DAB1: variants seen among roughly 807,000 people sequenced by gnomAD.
The protein encoded by DAB1 is DAB adaptor protein 1.
DAB1 carries 15 observed loss-of-function variants against 64.6 expected under a neutral mutation model. That is an observed-to-expected ratio of 0.23 (90% CI 0.16 to 0.36). The LOEUF is 0.36. Among genes scored for constraint, DAB1 ranks in the 10% least tolerant of loss-of-function variants. The pLI is 1.00. For missense variants in DAB1, 596 were observed against 706.7 expected, an observed-to-expected ratio of 0.84 and a Z score of 1.78; for synonymous variants, 235 against 251.9, an observed-to-expected ratio of 0.93 and a Z score of 0.64.
intron 3 of DAB1, among the ~76,000 whole-genome samples, chr1:58,432,480 G>T (rs778207121): frequency 6.6e-6 from 1 of 152,150 alleles, no homozygotes; most frequent in Non-Finnish European, 1.5e-5. Flanking sequence ...ATGAATAAAT[G>T]AGTCAAGACA....
chr1:57,697,529 A>G (rs1169984492), intron 6 of DAB1, among the ~76,000 whole-genome samples: 1 of 151,768 alleles, frequency 6.6e-6, no homozygotes, highest in Non-Finnish European at 1.5e-5. Context: ...GTAAGAAATG[A>G]TAAGGTATCA....
chr1:58,402,738 A>G (rs979879539), intron 3 of DAB1, among the ~76,000 whole-genome samples: 32 of 152,208 alleles, frequency 2.1e-4, no homozygotes, highest in African/African-American at 7.5e-4. Flanking sequence ...GTCACGTACT[A>G]GGCACTATGC....
intron 7 of DAB1, among the ~76,000 whole-genome samples, chr1:57,588,674 C>T (rs531369132): frequency 1.6e-4 from 25 of 152,058 alleles, no homozygotes; most frequent in African/African-American, 6.0e-4. Flanking sequence ...CATTTAGAAG[C>T]AATACATATT....
At chr1:57,066,910 A>G (rs562767152) in intron 8 of DAB1, among the ~76,000 whole-genome samples, 1 of 152,316 alleles carries the variant, frequency 6.6e-6, no homozygotes, top group South Asian at 2.1e-4. Flanking sequence ...CACTGCAGAA[A>G]GCAAGGAGGT....
chr1:57,370,210 C>T (rs77711330), intron 1 of DAB1, among the ~76,000 whole-genome samples: 2,404 of 152,244 alleles, frequency 0.016, 54 homozygotes, highest in African/African-American at 0.054. Flanking sequence ...ATGCTGACTG[C>T]TGTCTTTTAA....
intron 6 of DAB1, among the ~76,000 whole-genome samples, chr1:57,754,409 G>A (rs1648695659): frequency 6.6e-6 from 1 of 151,982 alleles, no homozygotes; most frequent in South Asian, 2.1e-4. Context: ...GACTCGGCTG[G>A]GCACGGTGGC....
At chr1:57,738,015 G>C (rs1647779455) in intron 6 of DAB1, among the ~76,000 whole-genome samples, 1 of 152,172 alleles carries the variant, frequency 6.6e-6, no homozygotes, top group Non-Finnish European at 1.5e-5. Flanking sequence ...CTTAGCCAGA[G>C]GCTGCTTTTT....
At chr1:57,993,072 T>C (rs948605234) in intron 5 of DAB1, among the ~76,000 whole-genome samples, 10 of 152,164 alleles carry the variant, frequency 6.6e-5, no homozygotes, top group African/African-American at 2.4e-4. Flanking sequence ...TAGCCAGAAT[T>C]GGAAACTTAA....
intron 4 of DAB1, among the ~76,000 whole-genome samples, chr1:58,243,529 G>A (rs1660396402): frequency 6.6e-6 from 1 of 152,004 alleles, no homozygotes; most frequent in African/African-American, 2.4e-5. Flanking sequence ...TTAGTCCCAA[G>A]TGAAGAACTA....
chr1:57,567,479 G>A (rs1292743481), intron 7 of DAB1, among the ~76,000 whole-genome samples: 1 of 152,172 alleles, frequency 6.6e-6, no homozygotes, highest in Non-Finnish European at 1.5e-5. Flanking sequence ...AAAAGAGGAA[G>A]TCAAATTGTC....
chr1:58,509,019 G>C (rs1249483308), intron 2 of DAB1, among the ~76,000 whole-genome samples: 1 of 152,098 alleles, frequency 6.6e-6, no homozygotes, highest in Non-Finnish European at 1.5e-5. Context: ...CAGCACTTTG[G>C]ACTAGCATGA....
At chr1:57,598,046 G>A (rs767028709) in intron 7 of DAB1, among the ~76,000 whole-genome samples, 17 of 152,122 alleles carry the variant, frequency 1.1e-4, no homozygotes, top group African/African-American at 3.1e-4. Flanking sequence ...GCAGTGGCAC[G>A]ATCTTGGCTC....
At chr1:57,033,518 C>T (rs1269200758) in intron 9 of DAB1, 4 of 1,612,724 alleles carry the variant, frequency 2.5e-6, no homozygotes, top group Non-Finnish European at 3.4e-6. Flanking sequence ...GGCTGTAATT[C>T]TTACCGGGGT....
At chr1:57,410,481 TA>T (rs1684020088) in intron 1 of DAB1, among the ~76,000 whole-genome samples, 1 of 152,166 alleles carries the variant, frequency 6.6e-6, no homozygotes, top group African/African-American at 2.4e-5. Flanking sequence ...TCAAGAGGCC[TA>T]AGAAAGAGAC....
chr1:58,220,801 G>A (rs1013070175), intron 4 of DAB1, among the ~76,000 whole-genome samples: 3 of 151,698 alleles, frequency 2.0e-5, no homozygotes, highest in Non-Finnish European at 4.4e-5. Context: ...GCTCGCAGAA[G>A]GTAAGTCCTC....
intron 4 of DAB1, among the ~76,000 whole-genome samples, chr1:58,319,102 A>G (rs1375313613): frequency 6.6e-6 from 1 of 151,942 alleles, no homozygotes; most frequent in African/African-American, 2.4e-5. Context: ...TTACCTGTGA[A>G]CTATAGTGGG....
chr1:58,361,863 CTTTT>C (rs34029239), intron 3 of DAB1, among the ~76,000 whole-genome samples: 6,730 of 84,122 alleles, frequency 0.08, 78 homozygotes, highest in African/African-American at 0.088. Flanking sequence ...AAAGATCCCC[CTTTT>C]TTTTTTTTTT....
chr1:57,613,865 T>A (rs1230927354), intron 7 of DAB1, among the ~76,000 whole-genome samples: 1 of 152,172 alleles, frequency 6.6e-6, no homozygotes, highest in East Asian at 1.9e-4. Flanking sequence ...ACCTATTAGC[T>A]TCAGTCCTGG....
intron 6 of DAB1, among the ~76,000 whole-genome samples, chr1:57,739,424 C>T (rs1389962694): frequency 7.8e-6 from 1 of 129,010 alleles, no homozygotes. Flanking sequence ...ATCCATAATC[C>T]AACTCCCCTC....
Sources: allele counts gnomAD v4.1 joint callset (sites outside exome capture counted in the v4.1 genomes callset), GRCh38; gene constraint gnomAD v4.1.1; transcripts MANE v1.5; gene names NCBI Gene and HGNC (gene_info 2026-07-23, HGNC 2026-07-21).